The following OGA variants were observed in gnomAD, a reference collection of about 807,000 sequenced individuals.
OGA encodes the protein protein O-GlcNAcase.
OGA carries 21 observed loss-of-function variants against 102.0 expected under a neutral mutation model. That is an observed-to-expected ratio of 0.21 (90% CI 0.15 to 0.30). The LOEUF is 0.30. Among genes scored for constraint, OGA ranks in the 10% least tolerant of loss-of-function variants. The pLI is 1.00. For synonymous variants in OGA, 408 were observed against 378.2 expected (o/e 1.08, Z -0.91); for missense variants, 765 against 1,107.8 (o/e 0.69, Z 4.39).
At chr10:101,792,531 A>G (rs1358536268) in intron 12 of OGA, 5 of 214,778 alleles carry the variant, frequency 2.3e-5, no homozygotes, top group Non-Finnish European at 2.8e-5. Context: ...ATTACAGAAC[A>G]CCAATATATT....
intron 14 of OGA, among the ~76,000 whole-genome samples, chr10:101,789,250 G>A (rs979834939): frequency 6.6e-6 from 1 of 152,220 alleles, no homozygotes; most frequent in Non-Finnish European, 1.5e-5. Context: ...TATAATCCTA[G>A]CACTTTGGGA....
intron 9 of OGA, 120 bp from the exon 10 acceptor site, chr10:101,798,274 G>T: frequency 2.3e-6 from 2 of 878,364 alleles, no homozygotes; most frequent in Non-Finnish European, 3.4e-6. Context: ...AACCATTAAA[G>T]TATCATTTTG....
chr10:101,793,850 G>A (rs1216284618), intron 11 of OGA, 63 bp downstream of exon 11: 6 of 1,241,298 alleles, frequency 4.8e-6, no homozygotes, highest in East Asian at 4.8e-5. Context: ...CATCTGATGC[G>A]CAACATAAGG....
intron 3 of OGA, among the ~76,000 whole-genome samples, chr10:101,811,653 C>T (rs2065560441): frequency 6.6e-6 from 1 of 151,954 alleles, no homozygotes; most frequent in South Asian, 2.1e-4. Context: ...CAGTGAGTCA[C>T]TGCACTCCAG....
Position 101,787,414 on chromosome 10 carries a change from C to T in OGA, c.2564G>A (p.Ser855Asn). ...MDIHKKVTDP[S>N]VAKSMMACLL... ...GCAAGCCATCATGCTTTTGGCCACA[C>T]TTGGGTCAGTTACTTTTTTGTGAAT... Residue 855 changes from serine (S) to asparagine (N), a missense_variant, in exon 15 of 16, where the codon AGT becomes AAT. By Grantham distance (46) the Ser-to-Asn change is conservative. Transcript: ENST00000361464. 6.2e-7 allele frequency: 1 copy of T among 1,614,120 alleles called. No homozygotes were observed. The highest frequency in any genetic ancestry group is 8.5e-7 in the Non-Finnish European group (1 of 1,179,958).
chr10:101,794,136 A>G (rs2065289868), intron 10 of OGA, 138 bp from the exon 11 acceptor site: 1 of 543,750 alleles, frequency 1.8e-6, no homozygotes, highest in Non-Finnish European at 3.3e-6. Context: ...GGCTATGATA[A>G]TAATTATTAT....
rs1192017068 is a variant in OGA, at chr10:101,785,762, T to C, written c.*689A>G. The stretch of plus-strand genomic sequence containing the variant: ...CAAAAACAGTAAACACAAAGGATAG[T>C]CAGGTTACAGCTAGTTTATATACAA... On this transcript the variant is annotated 3_prime_UTR_variant, in exon 16 of 16. Coordinates refer to ENST00000361464, the MANE Select transcript of OGA (RefSeq NM_012215.5). 1 of 152,484 alleles carries C rather than the reference T, an allele frequency of 6.6e-6. No homozygotes were observed. Among genetic ancestry groups the C allele is most frequent in the East Asian group, 1.9e-4 (1 of 5,204 alleles). The allele number at this position is 152,484 out of a possible 1,614,324, so 9.4% of individuals were successfully genotyped here. A position where few individuals can be genotyped will look rare whatever the true frequency, so the allele number is the denominator to read the frequency against.
chr10:101,813,420 C>T, intron 2 of OGA, 135 bp downstream of exon 2: 1 of 629,348 alleles, frequency 1.6e-6, no homozygotes, highest in Non-Finnish European at 2.7e-6. Context: ...AAAAAAGGGA[C>T]CAAGGTAAAA....
chr10:101,805,761 C>T lies in OGA; in HGVS notation c.751+284G>A, dbSNP rs570380534. Among the ~76,000 whole-genome samples the T allele has an allele frequency of 2.6e-3, 402 of 151,970 alleles. 4 individuals carry two copies. Among genetic ancestry groups the T allele is most frequent in the African/African-American group, 8.8e-3 (366 of 41,462 alleles). On this transcript the variant is annotated intron_variant, in intron 6 of 15. Transcript: ENST00000361464. ...ACGAGGTCAGGAGATCGAGACCATC[C>T]TGGCTAACATGGTGAAACCCTGTCT...
At chr10:101,800,503 G>A (rs922243156) in intron 7 of OGA, 103 bp from the exon 8 acceptor site, 2 of 841,586 alleles carry the variant, frequency 2.4e-6, no homozygotes, top group Non-Finnish European at 3.6e-6. Flanking sequence ...TATAACCACA[G>A]AAACAAAGAA....
Position 101,806,122 on chromosome 10 carries a change from T to C in OGA, c.674A>G (p.Tyr225Cys). Residue 225 changes from tyrosine to cysteine, a missense_variant, in exon 6 of 16, where the codon TAT becomes TGT. Physicochemically the swap from Tyr to Cys is radical, Grantham distance 194. Coordinates refer to ENST00000361464, the MANE Select transcript of OGA (RefSeq NM_012215.5). The part of the protein sequence containing the change: ...CPTEYCGTFC[Y>C]PNVSQSPYLR... The stretch of plus-strand genomic sequence containing the variant: ...ATATGGAGACTGAGACACATTTGGA[T>C]AACAGAAAGTGCCACAGTATTCTAA... 6.2e-7 allele frequency: 1 copy of C among 1,607,618 alleles called. No individual in the cohort carries two copies. Among genetic ancestry groups the C allele is most frequent in the African/African-American group, 1.3e-5 (1 of 74,900 alleles).
At position 101,817,820 on chromosome 10, in the gene OGA, T is replaced by A. The variant is rs897726976; in HGVS notation, c.199+4A>T. The A allele has an allele frequency of 7.2e-6, 11 of 1,537,294 alleles. No individual in the cohort carries two copies. Among genetic ancestry groups the A allele is most frequent in the Admixed American group, 2.0e-5 (1 of 50,940 alleles). ...CAAAACGGGGAGGGAAGGAGGGCGC[T>A]CACCTTCCACCACACCGCAGAGGAA... is the stretch of plus-strand genomic sequence containing the variant. On this transcript the variant is annotated splice_donor_region_variant and intron_variant, in intron 1 of 15. Transcript: ENST00000361464.
chr10:101,815,625 T>C (rs950961224), intron 1 of OGA, among the ~76,000 whole-genome samples: 2 of 151,816 alleles, frequency 1.3e-5, no homozygotes, highest in Non-Finnish European at 2.9e-5. Context: ...TACAAGTCTT[T>C]AGCATCCCTA....
intron 4 of OGA, among the ~76,000 whole-genome samples, chr10:101,808,855 C>T (rs747155415): frequency 1.3e-5 from 2 of 151,866 alleles, no homozygotes; most frequent in African/African-American, 4.8e-5. Context: ...CTGTAATCCC[C>T]GTTACTCAGG....
At chr10:101,816,262 C>T (rs1250383197) in intron 1 of OGA, among the ~76,000 whole-genome samples, 1 of 152,120 alleles carries the variant, frequency 6.6e-6, no homozygotes, top group African/African-American at 2.4e-5. Flanking sequence ...GACTCCGTCT[C>T]CCAAAACAAA....
intron 14 of OGA, 76 bp from the exon 15 acceptor site, chr10:101,787,599 C>A (rs996550144): frequency 1.2e-5 from 15 of 1,211,182 alleles, no homozygotes; most frequent in Non-Finnish European, 1.4e-5. Context: ...AACTTAGCAA[C>A]AAGAAAGCAA....
chr10:101,807,429 A>T (rs967792505), intron 5 of OGA, among the ~76,000 whole-genome samples: 1 of 152,180 alleles, frequency 6.6e-6, no homozygotes, highest in African/African-American at 2.4e-5. Context: ...GGTAAAAGCA[A>T]TGTAATTTGG....
At position 101,818,282 on chromosome 10, in the gene OGA, A is replaced by G; in HGVS notation, c.-260T>C. On this transcript the variant is annotated 5_prime_UTR_variant, in exon 1 of 16. Transcript: ENST00000361464. ...GCGCCAGAAGCCTAAGCGGAGAGCG[A>G]GGCTGTGACCTCTCGTTCCCTGGAA... The G allele has an allele frequency of 7.9e-7, 1 of 1,272,134 alleles. No individual in the cohort carries two copies. Among genetic ancestry groups the G allele is most frequent in the Non-Finnish European group, 9.9e-7 (1 of 1,007,376 alleles). The allele number at this position is 1,272,134 out of a possible 1,614,324, so 78.8% of individuals were successfully genotyped here.
chr10:101,800,556 C>T (rs2065375817), intron 7 of OGA, among the ~76,000 whole-genome samples, 156 bp from the exon 8 acceptor site: 1 of 152,036 alleles, frequency 6.6e-6, no homozygotes, highest in Non-Finnish European at 1.5e-5. Flanking sequence ...CAAATAAAAG[C>T]AAGACCCTTC....
Sources: gnomAD v4.1 joint callset for allele counts (sites outside exome capture counted in the v4.1 genomes callset) on GRCh38, gnomAD v4.1.1 for gene constraint, MANE v1.5 for transcripts, NCBI Gene and HGNC (gene_info 2026-07-23, HGNC 2026-07-21) for gene names.